Variants in INSL6 observed in about 807,000 individuals in gnomAD.
INSL6 encodes insulin like 6.
In INSL6, 16 loss-of-function variants were observed where a neutral mutation model predicts 9.4. The ratio of observed to expected loss-of-function variants is 1.70; its 90% CI spans 1.15 to 2.59. INSL6 has a LOEUF of 2.59. Among genes scored for constraint, INSL6 ranks in the 30% most tolerant of loss-of-function variants. The pLI, the probability that INSL6 is intolerant of heterozygous loss-of-function variation, is 0.00. For synonymous variants in INSL6, 154 were observed against 96.9 expected (o/e 1.59, Z -3.46); for missense variants, 391 against 257.3 (o/e 1.52, Z -3.56).
At chr9:5,069,096 AAAG>A in the INSL6 span, 8 of 1,611,794 alleles carry the variant, frequency 5.0e-6, no homozygotes, top group African/African-American at 2.7e-5. Context: ...TCAGTGGGAC[AAAG>A]AAGAACTTCA....
chr9:5,034,898 G>C, the INSL6 span, among the ~76,000 whole-genome samples: 3 of 152,156 alleles, frequency 2.0e-5, no homozygotes, highest in Non-Finnish European at 4.4e-5. Context: ...GAGCAGAACT[G>C]AAGGACATAG....
chr9:5,105,201 T>G, the INSL6 span, among the ~76,000 whole-genome samples: 3 of 152,202 alleles, frequency 2.0e-5, no homozygotes. Context: ...GGTAAGCAAC[T>G]TCAGCAAAGT....
chr9:5,081,985 T>C, the INSL6 span: 1 of 777,230 alleles, frequency 1.3e-6, no homozygotes, highest in Non-Finnish European at 2.1e-6. Context: ...AAGGTTTGGT[T>C]GTCAGATGTT....
the INSL6 span, chr9:5,080,102 C>G: frequency 4.5e-5 from 32 of 707,944 alleles, no homozygotes; most frequent in East Asian, 8.1e-4. Context: ...TGTGCACATC[C>G]AACCCCTCCA....
the INSL6 span, among the ~76,000 whole-genome samples, chr9:4,998,861 C>T: frequency 5.3e-5 from 8 of 151,890 alleles, no homozygotes; most frequent in African/African-American, 1.9e-4. Context: ...GATGGAGTCT[C>T]CCTCTGTCAC....
chr9:5,041,678 C>T, the INSL6 span: 2 of 511,498 alleles, frequency 3.9e-6, no homozygotes, highest in East Asian at 5.3e-5. Context: ...CCAGCTACCT[C>T]TTCGACCGAA....
chr9:5,142,326 T>G (rs1341297021), intron 2 of INSL6, among the ~76,000 whole-genome samples: 2 of 152,236 alleles, frequency 1.3e-5, no homozygotes, highest in Non-Finnish European at 1.5e-5. Flanking sequence ...TTAACTATAT[T>G]GATTCTTCCT....
chr9:5,038,812 C>T, the INSL6 span, among the ~76,000 whole-genome samples: 1 of 151,956 alleles, frequency 6.6e-6, no homozygotes, highest in Admixed American at 6.6e-5. Context: ...ATACTATGAC[C>T]AGGTGGGATT....
chr9:5,150,767 T>C (rs1406847202), intron 2 of INSL6, among the ~76,000 whole-genome samples: 1 of 152,062 alleles, frequency 6.6e-6, no homozygotes, highest in Non-Finnish European at 1.5e-5. Context: ...TGTATTTGCA[T>C]GTTTAAAGGA....
At chr9:5,018,832 G>A in the INSL6 span, among the ~76,000 whole-genome samples, 9 of 152,094 alleles carry the variant, frequency 5.9e-5, no homozygotes, top group Middle Eastern at 3.4e-3. Flanking sequence ...TTCATATATC[G>A]TTCCATTCTC....
chr9:5,183,783 AAG>A (rs1000830937), intron 1 of INSL6, among the ~76,000 whole-genome samples: 2 of 151,784 alleles, frequency 1.3e-5, no homozygotes, highest in Non-Finnish European at 2.9e-5. Context: ...AGAAAAAAAA[AAG>A]AGAGAGACAG....
chr9:5,135,986 C>T (rs957328558), intron 2 of INSL6, among the ~76,000 whole-genome samples: 17 of 152,154 alleles, frequency 1.1e-4, no homozygotes, highest in African/African-American at 3.9e-4. Context: ...ATCGGGAATA[C>T]TATAAACACC....
the INSL6 span, among the ~76,000 whole-genome samples, chr9:5,030,394 C>G: frequency 6.6e-6 from 1 of 152,000 alleles, no homozygotes; most frequent in African/African-American, 2.4e-5. Context: ...TTAGAGAAAT[C>G]TAGAAGTATT....
the INSL6 span, among the ~76,000 whole-genome samples, chr9:4,998,987 A>AT: frequency 0.038 from 5,487 of 143,866 alleles, 308 homozygotes; most frequent in African/African-American, 0.13. Flanking sequence ...ACGCCCGGCT[A>AT]TTTTTTTTTT....
At chr9:5,172,487 G>A (rs1298415906) in intron 1 of INSL6, among the ~76,000 whole-genome samples, 2 of 152,210 alleles carry the variant, frequency 1.3e-5, no homozygotes, top group African/African-American at 2.4e-5. Context: ...AAGAACTTCT[G>A]CACAGCAAAA....
At chr9:5,148,556 T>C (rs572763788) in intron 2 of INSL6, among the ~76,000 whole-genome samples, 27 of 152,210 alleles carry the variant, frequency 1.8e-4, no homozygotes, top group Non-Finnish European at 2.8e-4. Context: ...GTTAGGGAAA[T>C]AGGCCATACC....
At chr9:5,117,740 C>T in the INSL6 span, among the ~76,000 whole-genome samples, 1 of 151,954 alleles carries the variant, frequency 6.6e-6, no homozygotes, top group African/African-American at 2.4e-5. Flanking sequence ...ATATAACTCA[C>T]AGAAACAAAA....
chr9:5,166,838 G>A (rs1423266577), intron 1 of INSL6, among the ~76,000 whole-genome samples: 1 of 152,110 alleles, frequency 6.6e-6, no homozygotes, highest in Non-Finnish European at 1.5e-5. Flanking sequence ...AGAACAATAT[G>A]AGATTTTAAA....
the INSL6 span, chr9:5,090,886 G>A: frequency 6.2e-7 from 1 of 1,605,444 alleles, no homozygotes; most frequent in Non-Finnish European, 8.5e-7. Flanking sequence ...TAAAGTAAAA[G>A]AACCTGGTGA....
Sources: gnomAD v4.1 joint callset for allele counts (sites outside exome capture counted in the v4.1 genomes callset) on GRCh38, gnomAD v4.1.1 for gene constraint, MANE v1.5 for transcripts, NCBI Gene and HGNC (gene_info 2026-07-23, HGNC 2026-07-21) for gene names.